DOCK4: variants seen among roughly 807,000 people sequenced by gnomAD.
DOCK4 encodes the protein dedicator of cytokinesis protein 4.
DOCK4 carries 97 observed loss-of-function variants against 268.1 expected under a neutral mutation model. That is an observed-to-expected ratio of 0.36 (90% CI 0.31 to 0.43). DOCK4 has a LOEUF of 0.43. Among genes scored for constraint, DOCK4 ranks in the 20% least tolerant of loss-of-function variants. The pLI is 1.00. For synonymous variants in DOCK4, 954 were observed against 887.2 expected, an observed-to-expected ratio of 1.08 and a Z score of -1.34; for missense variants, 2,145 against 2,455.7, an observed-to-expected ratio of 0.87 and a Z score of 2.67.
chr7:112,144,631 A>G (rs1249434871), intron 1 of DOCK4, among the ~76,000 whole-genome samples: 4 of 152,198 alleles, frequency 2.6e-5, no homozygotes, highest in Non-Finnish European at 5.9e-5. Flanking sequence ...GTGGCAACAG[A>G]GCTTTGCAGG....
Position 111,739,170 on chromosome 7 carries a change from G to C in DOCK4, c.5196C>G (p.Cys1732Trp). 6.2e-7 allele frequency: 1 copy of C among 1,613,982 alleles called. No homozygotes were observed. The highest frequency in any genetic ancestry group is 1.3e-5 in the African/African-American group (1 of 75,054). ...NSCLSPRERPCSAIYPTPVEP... is the reference protein window; with the variant it reads ...NSCLSPRERPWSAIYPTPVEP... ...CCACAGGTGTTGGATAGATGGCACT[G>C]CATGGTCTCTCTCTTGGTGACAGGC... is the stretch of plus-strand genomic sequence containing the variant. Residue 1732 changes from cysteine (C) to tryptophan (W), a missense_variant, in exon 49 of 53, where the codon TGC becomes TGG. Coordinates refer to ENST00000428084, the MANE Select transcript of DOCK4 (RefSeq NM_001363540.2).
Position 111,760,254 on chromosome 7 carries a change from G to A in DOCK4, c.4089C>T (p.Asn1363=), listed in dbSNP as rs368980000. The change falls in exon 40 of 53, where the codon AAC becomes AAT. Residue 1363 remains asparagine, a synonymous_variant. Coordinates refer to ENST00000428084, the MANE Select transcript of DOCK4 (RefSeq NM_001363540.2). ...GCATGGCGATGGCATGGGGGAACTCGTTCAGCATTCTCTGTTGGAAGGCTT... is the reference window on the plus strand; with the variant it reads ...GCATGGCGATGGCATGGGGGAACTCATTCAGCATTCTCTGTTGGAAGGCTT... ...RLEAFQQRML[N]EFPHAIAMQH... 21 of 1,613,954 alleles carry A rather than the reference G, an allele frequency of 1.3e-5. No homozygotes were observed. Among genetic ancestry groups the A allele is most frequent in the Middle Eastern group, 1.6e-4 (1 of 6,062 alleles).
At chr7:112,133,316 A>C (rs896752003) in intron 1 of DOCK4, among the ~76,000 whole-genome samples, 5 of 152,008 alleles carry the variant, frequency 3.3e-5, no homozygotes, top group Admixed American at 3.3e-4. Flanking sequence ...TTACTGTTCC[A>C]CTCCACAAAT....
At chr7:111,748,633 C>T (rs902901537) in intron 42 of DOCK4, among the ~76,000 whole-genome samples, 23 of 152,146 alleles carry the variant, frequency 1.5e-4, no homozygotes, top group Middle Eastern at 6.8e-3. Context: ...CTGTGAGCAA[C>T]GGACTCTCAA....
At chr7:112,059,351 C>T (rs891897197) in intron 1 of DOCK4, among the ~76,000 whole-genome samples, 4 of 151,954 alleles carry the variant, frequency 2.6e-5, no homozygotes, top group African/African-American at 9.7e-5. Flanking sequence ...ACCATGCTGG[C>T]CAAGCTGGCC....
intron 16 of DOCK4, among the ~76,000 whole-genome samples, chr7:111,879,893 A>G (rs1019561222): frequency 6.6e-6 from 1 of 152,210 alleles, no homozygotes; most frequent in African/African-American, 2.4e-5. Flanking sequence ...AGACAAAAGA[A>G]AAAAGAATAG....
At chr7:112,116,445 T>C (rs553564297) in intron 1 of DOCK4, among the ~76,000 whole-genome samples, 3 of 152,324 alleles carry the variant, frequency 2.0e-5, no homozygotes, top group Non-Finnish European at 4.4e-5. Context: ...TACTAAAAAA[T>C]GCTCACCTTA....
intron 1 of DOCK4, among the ~76,000 whole-genome samples, chr7:112,196,060 G>A (rs1024919843): frequency 2.6e-5 from 4 of 152,154 alleles, no homozygotes; most frequent in Non-Finnish European, 5.9e-5. Flanking sequence ...ATTGCTAAGT[G>A]ACAGATGCCT....
chr7:111,751,511 C>T (rs1182033124), intron 42 of DOCK4, among the ~76,000 whole-genome samples: 3 of 151,730 alleles, frequency 2.0e-5, no homozygotes, highest in Non-Finnish European at 2.9e-5. Context: ...GTGGTGCAAT[C>T]TTGGCTCACT....
chr7:111,773,963 G>A (rs868505898), intron 36 of DOCK4, among the ~76,000 whole-genome samples: 2 of 151,928 alleles, frequency 1.3e-5, no homozygotes, highest in Non-Finnish European at 2.9e-5. Flanking sequence ...GCTGCAGTGA[G>A]CCCAGATCGT....
chr7:111,859,312 C>A (rs996378584), intron 23 of DOCK4, among the ~76,000 whole-genome samples: 2 of 152,118 alleles, frequency 1.3e-5, no homozygotes, highest in African/African-American at 4.8e-5. Context: ...ACTAAGTTTG[C>A]GATTACTGTC....
chr7:112,023,383 C>G (rs962892848), intron 1 of DOCK4: 3 of 227,312 alleles, frequency 1.3e-5, no homozygotes. Context: ...CTCTGTTTCC[C>G]CCTTAAGATT....
chr7:112,172,310 A>G (rs990076155), intron 1 of DOCK4, among the ~76,000 whole-genome samples: 5 of 152,344 alleles, frequency 3.3e-5, no homozygotes, highest in Middle Eastern at 6.8e-3. Context: ...TACTTCTTGA[A>G]TAAGAAAGCC....
At chr7:111,972,765 C>A (rs1426942793) in intron 8 of DOCK4, among the ~76,000 whole-genome samples, 3 of 151,976 alleles carry the variant, frequency 2.0e-5, no homozygotes, top group Non-Finnish European at 4.4e-5. Context: ...TAGATTCTAT[C>A]ATTAACACTT....
intron 51 of DOCK4, 55 bp downstream of exon 51, chr7:111,734,999 T>TAGTC (rs1189095618): frequency 1.3e-5 from 17 of 1,343,526 alleles, no homozygotes; most frequent in Non-Finnish European, 1.7e-5. Flanking sequence ...CAAACTGGAG[T>TAGTC]AGTCAATAAA....
At chr7:111,857,058 A>C (rs1274079622) in intron 23 of DOCK4, among the ~76,000 whole-genome samples, 1 of 152,194 alleles carries the variant, frequency 6.6e-6, no homozygotes, top group Non-Finnish European at 1.5e-5. Flanking sequence ...AGAATAAAAG[A>C]AATGTAATCA....
At chr7:112,064,684 C>G (rs554606616) in intron 1 of DOCK4, among the ~76,000 whole-genome samples, 1 of 149,626 alleles carries the variant, frequency 6.7e-6, no homozygotes, top group African/African-American at 2.5e-5. Flanking sequence ...CTGTGCCCCC[C>G]CTTCAAGACT....
rs146189168 is a variant in DOCK4 at position 112,040,629 on chromosome 7, G to C, written c.38-36498C>G. ...TAAACCAACACACACATTTCAGTAA[G>C]TACAGAAGATGCCGAGGCACAGTGA... On this transcript the variant is annotated intron_variant, in intron 1 of 52. Coordinates refer to ENST00000428084, the MANE Select transcript of DOCK4 (RefSeq NM_001363540.2). Among the ~76,000 whole-genome samples the C allele has an allele frequency of 5.1e-3, 783 of 152,126 alleles. 7 individuals are homozygous for C. Among genetic ancestry groups the C allele is most frequent in the African/African-American group, 0.018 (738 of 41,482 alleles).
chr7:111,947,448 C>A (rs1362799376), intron 8 of DOCK4, among the ~76,000 whole-genome samples: 1 of 151,710 alleles, frequency 6.6e-6, no homozygotes, highest in African/African-American at 2.4e-5. Flanking sequence ...TCTATGGGGT[C>A]ATTTTCACTC....
Sources: gnomAD v4.1 joint callset for allele counts (sites outside exome capture counted in the v4.1 genomes callset) on GRCh38, gnomAD v4.1.1 for gene constraint, MANE v1.5 for transcripts, NCBI Gene and HGNC (gene_info 2026-07-23, HGNC 2026-07-21) for gene names.